The following CTCFL variants were observed in gnomAD, a reference collection of about 807,000 sequenced individuals.
The protein encoded by CTCFL is CCCTC-binding factor like.
In CTCFL, 36 loss-of-function variants were observed where a neutral mutation model predicts 67.4. That is an observed-to-expected ratio of 0.53 (90% CI 0.41 to 0.71). CTCFL has a LOEUF of 0.71. Among genes scored for constraint, CTCFL ranks in the 30% least tolerant of loss-of-function variants. The pLI, the probability that CTCFL is intolerant of heterozygous loss-of-function variation, is 0.00. For missense variants in CTCFL, 786 were observed against 835.2 expected (o/e 0.94, Z 0.73); for synonymous variants, 324 against 302.3 (o/e 1.07, Z -0.75).
At chr20:57,496,285 T>C (rs2067723915), downstream of CTCFL, 1 of 696,542 alleles carries the variant, frequency 1.4e-6, no homozygotes, top group Non-Finnish European at 2.6e-6. Context: ...CTTCGCCTTC[T>C]GCCTTGATTG....
chr20:57,496,294 T>C (rs143749067), downstream of CTCFL: 670 of 695,180 alleles, frequency 9.6e-4, 3 homozygotes, highest in African/African-American at 0.01. Context: ...CTGCCTTGAT[T>C]GTAAGTTTCC....
rs761481492 is a variant in CTCFL at position 57,518,740 on chromosome 20, G to A, written c.1059+18C>T. The A allele has an allele frequency of 1.2e-6, 2 of 1,614,150 alleles. No homozygotes were observed. Among genetic ancestry groups the A allele is most frequent in the Non-Finnish European group, 1.7e-6 (2 of 1,180,012 alleles). ...CTACTAAGATGCCATGAAGCTTCAA[G>A]TCCAAGAATGGCTTTACCTCCACAC... is the stretch of plus-strand genomic sequence containing the variant. On this transcript the variant is annotated intron_variant, in intron 5 of 10. Coordinates refer to ENST00000243914, the MANE Select transcript of CTCFL (RefSeq NM_001386993.1).
At position 57,514,578 on chromosome 20, in the gene CTCFL, G is replaced by A. The variant is rs372661693; in HGVS notation, c.1330+14C>T. ...CAAATGCTGTAGTAAAAGAAAGATC[G>A]CTAAACCACTCACGTAGGTCGCTTT... On this transcript the variant is annotated intron_variant, in intron 7 of 10. Transcript: ENST00000243914. 28 of 1,613,466 alleles carry A rather than the reference G, an allele frequency of 1.7e-5. No homozygotes were observed. The highest frequency in any genetic ancestry group is 1.6e-4 in the African/African-American group (12 of 74,924).
rs772024696 is a variant in CTCFL at position 57,503,423 on chromosome 20, G to A, written c.1840+13C>T. The A allele has an allele frequency of 2.4e-5, 39 of 1,613,676 alleles. No individual in the cohort carries two copies. The Middle Eastern group carries it at 6.6e-4, about 27-fold the overall frequency. On this transcript the variant is annotated intron_variant, in intron 10 of 10. Coordinates refer to ENST00000243914, the MANE Select transcript of CTCFL (RefSeq NM_001386993.1). ...ACTGAGGCGGTAAAAACAAATCTGC[G>A]TAAAATCAGTACCGTCTCCGTTCGC... is the stretch of plus-strand genomic sequence containing the variant.
intron 1 of CTCFL, chr20:57,524,496 T>C: frequency 4.9e-6 from 6 of 1,220,470 alleles, no homozygotes; most frequent in Non-Finnish European, 6.2e-6. Flanking sequence ...ATCCTGCGCC[T>C]GGCAAGGTTC....
chr20:57,516,087 G>A (rs949567602), intron 5 of CTCFL, among the ~76,000 whole-genome samples: 1 of 152,078 alleles, frequency 6.6e-6, no homozygotes, highest in African/African-American at 2.4e-5. Context: ...AGAGACTTTC[G>A]CGTTCACCTT....
At chr20:57,507,194 C>CTT (rs113180346) in intron 9 of CTCFL, 978 of 212,350 alleles carry the variant, frequency 4.6e-3, no homozygotes, top group Non-Finnish European at 6.3e-3. Context: ...GAATGTGCCA[C>CTT]TTTTTTTTTT....
At chr20:57,511,721 A>T (rs1160945057) in intron 8 of CTCFL, among the ~76,000 whole-genome samples, 6 of 151,788 alleles carry the variant, frequency 4.0e-5, no homozygotes, top group Non-Finnish European at 8.8e-5. Context: ...CCTCCTGAGT[A>T]GCTGGGACTA....
intron 7 of CTCFL, 114 bp downstream of exon 7, chr20:57,514,478 G>C: frequency 7.7e-7 from 1 of 1,298,268 alleles, no homozygotes; most frequent in Non-Finnish European, 1.1e-6. Context: ...CCAGGGCCAA[G>C]TTCCCGAAGA....
At chr20:57,524,922 C>A (rs1456947995) in intron 1 of CTCFL, 106 bp downstream of exon 1, 1 of 218,846 alleles carries the variant, frequency 4.6e-6, no homozygotes, top group Non-Finnish European at 7.7e-6. Context: ...CAGCGTCTGC[C>A]GCCCGCCCTT....
chr20:57,525,004 G>C (rs1175237114), intron 1 of CTCFL, 24 bp downstream of exon 1: 1 of 152,652 alleles, frequency 6.6e-6, no homozygotes, highest in Non-Finnish European at 1.5e-5. Flanking sequence ...GAGCAGGTGG[G>C]CTTGACCGGG....
At chr20:57,520,921 GGT>G (rs1312777522) in intron 3 of CTCFL, among the ~76,000 whole-genome samples, 1 of 152,176 alleles carries the variant, frequency 6.6e-6, no homozygotes, top group Non-Finnish European at 1.5e-5. Context: ...CAGTATGACT[GGT>G]GTCCTTATAA....
chr20:57,524,697 G>C (rs1331548562), intron 1 of CTCFL: 2 of 997,552 alleles, frequency 2.0e-6, no homozygotes, highest in African/African-American at 3.5e-5. Flanking sequence ...CGCCCAGCGA[G>C]GTTCGGGCCC....
rs776559934 is a variant in CTCFL, at chr20:57,503,539, T to G, written c.1737A>C (p.Gly579=). The G allele has an allele frequency of 1.2e-5, 20 of 1,614,126 alleles. No homozygotes were observed. The South Asian group carries it at 2.2e-4, about 18-fold the overall frequency. ...TCCTCTTTCTTGTTCTTCTTCCCTT[T>G]CCTGAAGCAGCCGACTTTGCTTCCC... ...GSGEAKSAAS[G]KGRRTRKRKQ... is the part of the protein sequence containing the mutation. Residue 579 remains glycine, a synonymous_variant, in exon 10 of 11, where the codon GGA becomes GGC. Coordinates refer to ENST00000243914, the MANE Select transcript of CTCFL (RefSeq NM_001386993.1).
At chr20:57,510,659 C>T (rs553854822) in intron 8 of CTCFL, among the ~76,000 whole-genome samples, 1 of 152,032 alleles carries the variant, frequency 6.6e-6, no homozygotes, top group Admixed American at 6.6e-5. Flanking sequence ...GTCAGGAGAT[C>T]GAGACCATCC....
intron 1 of CTCFL, 130 bp downstream of exon 1, chr20:57,524,897 TC>T: frequency 1.5e-5 from 4 of 271,570 alleles, no homozygotes; most frequent in African/African-American, 4.1e-5. Flanking sequence ...GACCCGACCC[TC>T]CCAGGCAGCC....
At chr20:57,504,834 A>G (rs1394113248) in intron 9 of CTCFL, among the ~76,000 whole-genome samples, 3 of 152,018 alleles carry the variant, frequency 2.0e-5, no homozygotes, top group Non-Finnish European at 4.4e-5. Flanking sequence ...ATTGCAAACC[A>G]GTCTCTGAAT....
At chr20:57,500,634 C>CAAATTTTGCCAGGTAAT in intron 10 of CTCFL, among the ~76,000 whole-genome samples, 1 of 152,156 alleles carries the variant, frequency 6.6e-6, no homozygotes, top group Non-Finnish European at 1.5e-5. Flanking sequence ...TTAATTCACA[C>CAAATTTTGCCAGGTAAT]TTGCTTTGGA....
chr20:57,503,622 A>C (rs374269293), intron 9 of CTCFL, 21 bp from the exon 10 acceptor site: 22 of 1,613,598 alleles, frequency 1.4e-5, no homozygotes, highest in Non-Finnish European at 1.7e-5. Context: ...ATTGACACAG[A>C]ACACACAAGG....
Sources: allele counts gnomAD v4.1 joint callset (sites outside exome capture counted in the v4.1 genomes callset), GRCh38; gene constraint gnomAD v4.1.1; transcripts MANE v1.5; gene names NCBI Gene and HGNC (gene_info 2026-07-23, HGNC 2026-07-21).